NEURL1B: variants seen among roughly 807,000 people sequenced by gnomAD.
NEURL1B encodes the protein neuralized E3 ubiquitin protein ligase 1B.
Under a neutral mutation model 37.4 loss-of-function variants are expected in NEURL1B, and 13 were observed. The observed-to-expected ratio is 0.35, with a 90% CI of 0.23 to 0.55. NEURL1B has a LOEUF of 0.55. NEURL1B is among the 20% of genes least tolerant of loss of function. The pLI is 0.89. For synonymous variants in NEURL1B, 432 were observed against 426.6 expected (o/e 1.01, Z -0.16); for missense variants, 790 against 879.2 (o/e 0.90, Z 1.28).
At chr5:172,674,147 AAAAATT>A (rs200903429) in intron 2 of NEURL1B, among the ~76,000 whole-genome samples, 3,759 of 152,098 alleles carry the variant, frequency 0.025, 151 homozygotes, top group African/African-American at 0.085. Flanking sequence ...CTCAAAAAAA[AAAAATT>A]AAATTAAATA....
intron 1 of NEURL1B, among the ~76,000 whole-genome samples, chr5:172,651,524 T>C (rs1757664365): frequency 6.6e-6 from 1 of 152,210 alleles, no homozygotes; most frequent in Non-Finnish European, 1.5e-5. Context: ...ATACTTCCAT[T>C]AGGGGCGGTG....
chr5:172,678,515 A>G (rs59798394), intron 2 of NEURL1B, among the ~76,000 whole-genome samples: 16,729 of 150,924 alleles, frequency 0.11, 1,007 homozygotes, highest in Admixed American at 0.13. Flanking sequence ...CCCATTGGCA[A>G]TAAGTAGCAC....
chr5:172,667,431 G>A (rs2113299729), intron 1 of NEURL1B, among the ~76,000 whole-genome samples: 1 of 145,122 alleles, frequency 6.9e-6, no homozygotes, highest in South Asian at 2.1e-4. Flanking sequence ...GGGCAACAGA[G>A]AAAGACTCCA....
At position 172,657,945 on chromosome 5, in the gene NEURL1B, T is replaced by TA. The variant is rs1376725931; in HGVS notation, c.32-11839dup. The stretch of plus-strand genomic sequence containing the variant: ...AAATCTTAAAGTGTTTGATCTTTCT[T>TA]ATAAGTGCATAGAAGAAAACGCTGA... On this transcript the variant is annotated intron_variant, in intron 1 of 4. Transcript: ENST00000369800. The surrounding 1 kb of genome is among the most constrained non-coding windows in gnomAD (Gnocchi z 4.0). Among the ~76,000 whole-genome samples the TA allele has an allele frequency of 1.3e-5, 2 of 152,216 alleles. No individual in the cohort carries two copies. The highest frequency in any genetic ancestry group is 2.9e-5 in the Non-Finnish European group (2 of 68,036).
In NEURL1B at chr5:172,683,685, T is replaced by C; in HGVS notation, c.844T>C (p.Phe282Leu). 7.4e-7 allele frequency: 1 copy of C among 1,343,550 alleles called. No homozygotes were observed. Among genetic ancestry groups the C allele is most frequent in the Non-Finnish European group, 9.6e-7 (1 of 1,039,078 alleles). 83.2% of individuals were successfully genotyped at this position (1,343,550 alleles called of 1,614,324 possible). A position where few individuals can be genotyped will look rare whatever the true frequency, so the allele number is the denominator to read the frequency against. Residue 282 changes from phenylalanine (F) to leucine (L), a missense_variant, in exon 3 of 5, where the codon TTC becomes CTC. Physicochemically the swap from Phe to Leu is conservative, Grantham distance 22 (BLOSUM62 0). Transcript: ENST00000369800. This position sits in a 1 kb window ranked among gnomAD's most constrained non-coding sequence, Gnocchi z 5.6. ...SPALLEADLR[F>L]HATRGPDVSL... ...GGCGCTACTGGAGGCCGACCTGCGC[T>C]TCCACGCAACACGCGGGCCCGACGT...
At position 172,687,715 on chromosome 5, in the gene NEURL1B, G is replaced by A. The variant is rs575065595; in HGVS notation, c.*790G>A. The stretch of plus-strand genomic sequence containing the variant: ...AATACACACATCATACCTTGTCTCC[G>A]TCTCTGGAGGCAAGTCTCTGTAATG... On this transcript the variant is annotated 3_prime_UTR_variant, in exon 5 of 5. Coordinates refer to ENST00000369800, the MANE Select transcript of NEURL1B (RefSeq NM_001142651.3). The A allele has an allele frequency of 1.3e-5, 2 of 152,048 alleles. No homozygotes were observed. The highest frequency in any genetic ancestry group is 2.1e-4 in the South Asian group (1 of 4,822). 9.4% of individuals were successfully genotyped at this position (152,048 alleles called of 1,614,324 possible).
At chr5:172,655,992 TAC>T (rs1757769592) in intron 1 of NEURL1B, among the ~76,000 whole-genome samples, 1 of 152,216 alleles carries the variant, frequency 6.6e-6, no homozygotes, top group African/African-American at 2.4e-5. Context: ...CATAGAAGGG[TAC>T]ATCCTTACAG....
intron 1 of NEURL1B, among the ~76,000 whole-genome samples, chr5:172,659,725 T>G (rs1425493134): frequency 6.6e-6 from 1 of 152,130 alleles, no homozygotes; most frequent in Non-Finnish European, 1.5e-5. Context: ...ATACTGCCCC[T>G]GACTCCCACT....
At chr5:172,669,064 G>A (rs1439177469) in intron 1 of NEURL1B, among the ~76,000 whole-genome samples, 1 of 152,152 alleles carries the variant, frequency 6.6e-6, no homozygotes, top group Non-Finnish European at 1.5e-5. Context: ...TATATCATCA[G>A]TAATAATATC....
intron 1 of NEURL1B, among the ~76,000 whole-genome samples, chr5:172,663,134 A>G (rs1757935695): frequency 6.6e-6 from 1 of 151,334 alleles, no homozygotes; most frequent in Non-Finnish European, 1.5e-5. Context: ...GAATCACTTG[A>G]GCCCGGGAGT....
intron 1 of NEURL1B, among the ~76,000 whole-genome samples, chr5:172,648,114 A>C (rs139299289): frequency 6.6e-6 from 1 of 152,142 alleles, no homozygotes; most frequent in East Asian, 1.9e-4. Context: ...GATTAACCGC[A>C]CAGGCTGGAG....
At chr5:172,645,791 G>T (rs1757548339) in intron 1 of NEURL1B, among the ~76,000 whole-genome samples, 1 of 152,122 alleles carries the variant, frequency 6.6e-6, no homozygotes, top group Non-Finnish European at 1.5e-5. Flanking sequence ...TGCTGTAACA[G>T]AACGGGACAC....
At chr5:172,685,282 G>A (rs1426358271) in intron 3 of NEURL1B, among the ~76,000 whole-genome samples, 1 of 152,222 alleles carries the variant, frequency 6.6e-6, no homozygotes, top group African/African-American at 2.4e-5. Flanking sequence ...GGGCAGAGGA[G>A]GAGCCGGGTG....
At position 172,670,239 on chromosome 5, in the gene NEURL1B, G is replaced by C; in HGVS notation, c.486G>C (p.Glu162Asp). The change falls in exon 2 of 5, where the codon GAG (glutamate) becomes GAC (aspartate). Residue 162 changes from glutamate to aspartate, a missense_variant. Physicochemically the swap from Glu to Asp is conservative, Grantham distance 45. This residue lies in a region of NEURL1B where 215 missense variants were observed against 309.2 expected (regional missense o/e 0.70). Transcript: ENST00000369800. ...GRVFYSVNDGEPVLFHCGVAV... is the reference protein window; with the variant it reads ...GRVFYSVNDGDPVLFHCGVAV... The stretch of plus-strand genomic sequence containing the variant: ...TGTTCTACAGCGTGAACGACGGCGA[G>C]CCGGTGCTCTTCCACTGCGGCGTGG... The C allele has an allele frequency of 7.1e-7, 1 of 1,407,368 alleles. No individual in the cohort carries two copies. Among genetic ancestry groups the C allele is most frequent in the Non-Finnish European group, 9.2e-7 (1 of 1,084,390 alleles). The allele number at this position is 1,407,368 out of a possible 1,614,324, so 87.2% of individuals were successfully genotyped here. A position where few individuals can be genotyped will look rare whatever the true frequency, so the allele number is the denominator to read the frequency against.
At chr5:172,654,680 C>T (rs890430467) in intron 1 of NEURL1B, among the ~76,000 whole-genome samples, 4 of 150,930 alleles carry the variant, frequency 2.7e-5, no homozygotes, top group African/African-American at 4.9e-5. Context: ...TTAGCAAAGC[C>T]GTTGCCACTA....
At chr5:172,669,311 G>A (rs1180376870) in intron 1 of NEURL1B, among the ~76,000 whole-genome samples, 1 of 152,184 alleles carries the variant, frequency 6.6e-6, no homozygotes, top group African/African-American at 2.4e-5. Context: ...AGTAGGGGAG[G>A]TATTATTTGG....
rs1561653073 is a variant in NEURL1B at position 172,683,529 on chromosome 5, G to A, written c.688G>A (p.Glu230Lys). The change falls in exon 3 of 5, where the codon GAG (glutamate) becomes AAG (lysine). Residue 230 changes from glutamate (E) to lysine (K), a missense_variant. Coordinates refer to ENST00000369800, the MANE Select transcript of NEURL1B (RefSeq NM_001142651.3). The surrounding 1 kb of genome is among the most constrained non-coding windows in gnomAD (Gnocchi z 5.6). ...DAANFDNNEL[E>K]NNQVVAKLGH... The stretch of plus-strand genomic sequence containing the variant: ...GGCCAACTTCGACAACAACGAGCTC[G>A]AGAACAACCAGGTGGTGGCCAAGCT... The A allele has an allele frequency of 2.7e-6, 4 of 1,498,844 alleles. No homozygotes were observed. The highest frequency in any genetic ancestry group is 1.4e-5 in the African/African-American group (1 of 69,238). 92.8% of individuals were successfully genotyped at this position (1,498,844 alleles called of 1,614,324 possible).
In NEURL1B at chr5:172,683,735, G is replaced by C; in HGVS notation, c.894G>C (p.Val298=). 1 of 1,349,596 alleles carries C rather than the reference G, an allele frequency of 7.4e-7. No homozygotes were observed. The highest frequency in any genetic ancestry group is 1.5e-5 in the South Asian group (1 of 66,794). 83.6% of individuals were successfully genotyped at this position (1,349,596 alleles called of 1,614,324 possible). A position where few individuals can be genotyped will look rare whatever the true frequency, so the allele number is the denominator to read the frequency against. The change falls in exon 3 of 5, where the codon GTG becomes GTC. Residue 298 remains valine, a synonymous_variant. Coordinates refer to ENST00000369800, the MANE Select transcript of NEURL1B (RefSeq NM_001142651.3). The surrounding 1 kb of genome is among the most constrained non-coding windows in gnomAD (Gnocchi z 5.6). Reference sequence around the variant, plus strand: ...TGAGCCTGTCGGCCGACCGCAAAGTGGCCTGCGCACCGCGGCCCGACGGCG... The same window carrying C: ...TGAGCCTGTCGGCCGACCGCAAAGTCGCCTGCGCACCGCGGCCCGACGGCG... ...PDVSLSADRK[V]ACAPRPDGGR...
In NEURL1B at chr5:172,657,053, A is replaced by C. The variant is rs890978301; in HGVS notation, c.32-12732A>C. Among the ~76,000 whole-genome samples, 1 of 152,228 alleles carries C rather than the reference A, an allele frequency of 6.6e-6. No individual in the cohort carries two copies. Among genetic ancestry groups the C allele is most frequent in the African/African-American group, 2.4e-5 (1 of 41,458 alleles). The stretch of plus-strand genomic sequence containing the variant: ...TATAGACTATTTGAGTCAGTCCCTC[A>C]CGTCCCCATGATGGATGACTGGTTG... On this transcript the variant is annotated intron_variant, in intron 1 of 4. Transcript: ENST00000369800. This position sits in a 1 kb window ranked among gnomAD's most constrained non-coding sequence, Gnocchi z 4.0.
Sources: gnomAD v4.1 joint callset for allele counts (sites outside exome capture counted in the v4.1 genomes callset) on GRCh38, gnomAD v4.1.1 for gene constraint, gnomAD v4.1.1 regional missense constraint, Gnocchi (gnomAD v3.1) non-coding constraint, MANE v1.5 for transcripts, NCBI Gene and HGNC (gene_info 2026-07-23, HGNC 2026-07-21) for gene names.